The following INPP5D variants were observed in gnomAD, a reference collection of about 807,000 sequenced individuals.
The protein encoded by INPP5D is inositol polyphosphate-5-phosphatase D, also known as phosphatidylinositol 3,4,5-trisphosphate 5-phosphatase 1.
A neutral mutation model predicts 122.9 loss-of-function variants in INPP5D; 33 were observed. The observed-to-expected ratio is 0.27, with a 90% CI of 0.20 to 0.36. INPP5D has a LOEUF of 0.36. Ranked by LOEUF, INPP5D falls within the 10% of genes least tolerant of loss-of-function variation. The pLI is 1.00. For synonymous variants in INPP5D, 584 were observed against 576.2 expected (o/e 1.01, Z -0.19); for missense variants, 1,053 against 1,412.7 (o/e 0.75, Z 4.08).
At chr2:233,086,339 G>A (rs536997520) in intron 2 of INPP5D, among the ~76,000 whole-genome samples, 4 of 151,762 alleles carry the variant, frequency 2.6e-5, no homozygotes, top group East Asian at 1.9e-4. Context: ...CCACCATGCC[G>A]GGCTAATTTT....
At chr2:233,163,595 T>C in intron 11 of INPP5D, 112 bp from the exon 12 acceptor site, 1 of 1,557,116 alleles carries the variant, frequency 6.4e-7, no homozygotes, top group Non-Finnish European at 8.7e-7. Context: ...GCCTGGATGG[T>C]CTTGTGTAAT....
At chr2:233,153,618 TG>T (rs1478785046) in intron 9 of INPP5D, among the ~76,000 whole-genome samples, 1 of 151,782 alleles carries the variant, frequency 6.6e-6, no homozygotes, top group Non-Finnish European at 1.5e-5. Flanking sequence ...CCCCAAGAAG[TG>T]GGGTGAAGGT....
intron 5 of INPP5D, chr2:233,133,877 G>T: frequency 2.3e-6 from 1 of 432,362 alleles, no homozygotes; most frequent in Non-Finnish European, 4.7e-6. Context: ...CAGGGGCAGG[G>T]GTCTGTGTCT....
chr2:233,116,225 G>GTAGACAGA (rs1553575235), intron 2 of INPP5D, among the ~76,000 whole-genome samples: 1 of 133,834 alleles, frequency 7.5e-6, no homozygotes, highest in African/African-American at 3.1e-5. Context: ...AGATATATAT[G>GTAGACAGA]TAGATAGATA....
At chr2:233,203,975 T>C in intron 25 of INPP5D, 151 bp from the exon 26 acceptor site, 1 of 1,298,498 alleles carries the variant, frequency 7.7e-7, no homozygotes, top group Non-Finnish European at 1.0e-6. Flanking sequence ...AACAATTTGG[T>C]GCCATTCAGT....
At chr2:233,151,241 A>G (rs1693915855) in intron 9 of INPP5D, among the ~76,000 whole-genome samples, 1 of 152,068 alleles carries the variant, frequency 6.6e-6, no homozygotes, top group Non-Finnish European at 1.5e-5. Flanking sequence ...GGGAGGCTGA[A>G]GTGGGAGGAT....
intron 5 of INPP5D, among the ~76,000 whole-genome samples, chr2:233,135,192 C>CTTTT (rs56018008): frequency 6.8e-6 from 1 of 146,902 alleles, no homozygotes; most frequent in African/African-American, 2.5e-5. Context: ...ACTGAAACAT[C>CTTTT]TTTTTTTTTT....
At chr2:233,155,487 T>G (rs1694025934) in intron 9 of INPP5D, among the ~76,000 whole-genome samples, 1 of 151,978 alleles carries the variant, frequency 6.6e-6, no homozygotes, top group African/African-American at 2.4e-5. Context: ...ATGGGCATGG[T>G]GGTGCACGCC....
At chr2:233,098,936 T>TTATTTATTTATTTA (rs1692225150) in intron 2 of INPP5D, among the ~76,000 whole-genome samples, 2 of 145,986 alleles carry the variant, frequency 1.4e-5, no homozygotes, top group Admixed American at 6.9e-5. Context: ...GGAACTTTAT[T>TTATTTATTTATTTA]TTTATTTATT....
Position 233,170,991 on chromosome 2 carries a change from A to G in INPP5D, c.1901-73A>G. On this transcript the variant is annotated intron_variant, in intron 16 of 26. Coordinates refer to ENST00000445964, the MANE Select transcript of INPP5D (RefSeq NM_001017915.3). The surrounding 1 kb of genome is among the most constrained non-coding windows in gnomAD (Gnocchi z 4.5). ...GTCCCCTTTCCCCTGATTTCCTACC[A>G]GAAGAATAGGGAAAATTGGCCAGAT... 1 of 1,574,890 alleles carries G rather than the reference A, an allele frequency of 6.3e-7. No homozygotes were observed. Among genetic ancestry groups the G allele is most frequent in the Non-Finnish European group, 8.6e-7 (1 of 1,159,010 alleles).
intron 17 of INPP5D, among the ~76,000 whole-genome samples, chr2:233,173,113 GCA>G (rs762140200): frequency 6.6e-6 from 1 of 151,938 alleles, no homozygotes; most frequent in Non-Finnish European, 1.5e-5. Context: ...GGAGGCTGAG[GCA>G]AGAGAATCGC....
At chr2:233,106,308 A>G (rs1329824699) in intron 2 of INPP5D, among the ~76,000 whole-genome samples, 1 of 152,146 alleles carries the variant, frequency 6.6e-6, no homozygotes, top group Non-Finnish European at 1.5e-5. Flanking sequence ...AATCATGTCC[A>G]GGTCTGTGCC....
rs912247878 is a variant in INPP5D, at chr2:233,206,913, A to G, written c.*205A>G. On this transcript the variant is annotated 3_prime_UTR_variant, in exon 27 of 27. Transcript: ENST00000445964. This position sits in a 1 kb window ranked among gnomAD's most constrained non-coding sequence, Gnocchi z 4.0. ...ACCAAGTGCTGAGGCTGGAAGAAAAACGCACACCAGACGGGCAACAAACAG... is the reference window on the plus strand; with the variant it reads ...ACCAAGTGCTGAGGCTGGAAGAAAAGCGCACACCAGACGGGCAACAAACAG... 1.4e-5 allele frequency: 8 copies of G among 561,008 alleles called. No homozygotes were observed. The African/African-American group carries it at 1.5e-4, about 11-fold the overall frequency. The allele number at this position is 561,008 out of a possible 1,614,324, so 34.8% of individuals were successfully genotyped here. A position where few individuals can be genotyped will look rare whatever the true frequency, so the allele number is the denominator to read the frequency against.
intron 1 of INPP5D, among the ~76,000 whole-genome samples, chr2:233,068,648 C>CA (rs1199626229): frequency 6.6e-6 from 1 of 152,094 alleles, no homozygotes; most frequent in African/African-American, 2.4e-5. Context: ...TGACTAGTGA[C>CA]ATCTCAGAAG....
intron 2 of INPP5D, among the ~76,000 whole-genome samples, chr2:233,092,695 C>T (rs553263534): frequency 5.9e-5 from 9 of 152,300 alleles, no homozygotes; most frequent in African/African-American, 2.2e-4. Context: ...CAGAAGGAAA[C>T]GGCAATTTCA....
At chr2:233,175,063 A>G (rs2106306717) in intron 17 of INPP5D, among the ~76,000 whole-genome samples, 1 of 151,714 alleles carries the variant, frequency 6.6e-6, no homozygotes, top group East Asian at 1.9e-4. Context: ...CCGTCTCTAT[A>G]CAAAATTAGC....
At chr2:233,116,262 T>TAGAGATAG (rs1239814401) in intron 2 of INPP5D, among the ~76,000 whole-genome samples, 4 of 146,436 alleles carry the variant, frequency 2.7e-5, no homozygotes, top group Non-Finnish European at 6.0e-5. Flanking sequence ...GATATAGATA[T>TAGAGATAG]AGATATAGAT....
rs375683752 is a variant in INPP5D at position 233,201,043 on chromosome 2, G to T, written c.2975+2667G>T. Among the ~76,000 whole-genome samples, 27 of 152,106 alleles carry T rather than the reference G, an allele frequency of 1.8e-4. No homozygotes were observed. In the South Asian group the frequency reaches 5.4e-3, roughly 30 times the overall value. On this transcript the variant is annotated intron_variant, in intron 25 of 26. Transcript: ENST00000445964. The stretch of plus-strand genomic sequence containing the variant: ...GGAAGTCAGGAAGAGAGAGAGAAAA[G>T]GACAGGACAGGATAGCCCTGAAGCT...
intron 4 of INPP5D, among the ~76,000 whole-genome samples, chr2:233,129,672 A>G (rs1693261855): frequency 6.6e-6 from 1 of 152,186 alleles, no homozygotes; most frequent in African/African-American, 2.4e-5. Flanking sequence ...CTAATCACTC[A>G]GACTCCCCCC....
Sources: gnomAD v4.1 joint callset for allele counts (sites outside exome capture counted in the v4.1 genomes callset) on GRCh38, gnomAD v4.1.1 for gene constraint, Gnocchi (gnomAD v3.1) non-coding constraint, MANE v1.5 for transcripts, NCBI Gene and HGNC (gene_info 2026-07-23, HGNC 2026-07-21) for gene names.